The following ZFR2 variants were observed in gnomAD, a reference collection of about 807,000 sequenced individuals.
The protein encoded by ZFR2 is zinc finger RNA-binding protein 2.
ZFR2 carries 104 observed loss-of-function variants against 105.7 expected under a neutral mutation model. The observed-to-expected ratio is 0.98, with a 90% CI of 0.84 to 1.16. The LOEUF (loss-of-function observed/expected upper bound fraction) is 1.16, where lower values mean the gene tolerates loss of function less well. ZFR2 is among the 50% of genes most tolerant of loss of function. The pLI is 0.00. For missense variants in ZFR2, 1,425 were observed against 1,355.5 expected (o/e 1.05, Z -0.80); for synonymous variants, 634 against 597.7 (o/e 1.06, Z -0.89).
intron 3 of ZFR2, among the ~76,000 whole-genome samples, chr19:3,833,076 G>A (rs555335572): frequency 7.3e-5 from 11 of 151,528 alleles, no homozygotes; most frequent in South Asian, 4.2e-4. Context: ...GTGAAACCCC[G>A]TTTCTACTAA....
intron 1 of ZFR2, chr19:3,852,618 G>C (rs1300531049): frequency 2.8e-6 from 2 of 718,192 alleles, no homozygotes; most frequent in African/African-American, 3.5e-5. Context: ...TTCTGGACTG[G>C]AAGAGTAGCA....
intron 3 of ZFR2, among the ~76,000 whole-genome samples, chr19:3,833,376 A>G (rs1327657608): frequency 6.6e-6 from 1 of 151,926 alleles, no homozygotes; most frequent in Non-Finnish European, 1.5e-5. Flanking sequence ...GGAGATGGAG[A>G]CCATCCTGGC....
At chr19:3,806,871 G>A (rs1347234330) in intron 18 of ZFR2, among the ~76,000 whole-genome samples, 1 of 152,236 alleles carries the variant, frequency 6.6e-6, no homozygotes, top group East Asian at 1.9e-4. Context: ...TGTCGGCCAC[G>A]GCTGGGCTTC....
chr19:3,822,951 G>A (rs987797688), intron 8 of ZFR2, among the ~76,000 whole-genome samples: 1 of 152,238 alleles, frequency 6.6e-6, no homozygotes, highest in Non-Finnish European at 1.5e-5. Context: ...CTACTGCCCA[G>A]ATCCCTTCCA....
At position 3,822,104 on chromosome 19, in the gene ZFR2, G is replaced by T. The variant is rs1380050578; in HGVS notation, c.1468C>A (p.Arg490=). Residue 490 remains arginine, a synonymous_variant, in exon 9 of 19, where the codon CGG becomes AGG. Transcript: ENST00000262961. The stretch of plus-strand genomic sequence containing the variant: ...ACCCGGTACTGCAGCCGGTGCCGCC[G>T]CCCCCTCACGTGCAGGTCCTTCGCG... ...LNAKDLHVRG[R]RHRLQYRKKV... 2 of 1,607,718 alleles carry T rather than the reference G, an allele frequency of 1.2e-6. No homozygotes were observed. The highest frequency in any genetic ancestry group is 8.5e-7 in the Non-Finnish European group (1 of 1,177,644).
chr19:3,837,980 T>C (rs2038095055), intron 1 of ZFR2, among the ~76,000 whole-genome samples: 1 of 150,992 alleles, frequency 6.6e-6, no homozygotes, highest in Non-Finnish European at 1.5e-5. Context: ...ATGGACACCA[T>C]GACTGTAACA....
Position 3,825,332 on chromosome 19 carries a change from CG to C in ZFR2, c.1110del (p.Ala372GlnfsTer55), listed in dbSNP as rs747884511. 9 of 1,587,634 alleles carry C rather than the reference CG, an allele frequency of 5.7e-6. No individual in the cohort carries two copies. Among genetic ancestry groups the C allele is most frequent in the Admixed American group, 3.7e-5 (2 of 54,794 alleles). On this transcript the variant is annotated frameshift_variant, in exon 7 of 19. Coordinates refer to ENST00000262961, the MANE Select transcript of ZFR2 (RefSeq NM_015174.2). LOFTEE classifies it high-confidence loss of function. Reference protein sequence around the residue: ...LEPALATESPPGAEAKPTSPT... With the variant: ...LEPALATESPXGAEAKPTSPT... ...GGGGACGTGGGCTTGGCCTCTGCCC[CG>C]GGGGGGCTCTCTGTGGCCAGTGCAG...
chr19:3,864,012 G>T (rs2038402396), intron 1 of ZFR2, among the ~76,000 whole-genome samples: 1 of 152,144 alleles, frequency 6.6e-6, no homozygotes, highest in African/African-American at 2.4e-5. Flanking sequence ...ATCACTAACA[G>T]AGTGTGATGG....
chr19:3,821,307 C>A (rs570365050), intron 10 of ZFR2, 33 bp downstream of exon 10: 3 of 1,540,756 alleles, frequency 1.9e-6, no homozygotes, highest in African/African-American at 1.4e-5. Context: ...CCTCCCTCAC[C>A]AGGCCCCCTT....
Position 3,819,853 on chromosome 19 carries a change from A to AAAAG in ZFR2, c.1740+328_1740+329insCTTT, listed in dbSNP as rs1439060110. ...GGGCGACAGAGTGAGACTCTGTCTC[A>AAAAG]AAAAAAAATAGTTCCCATCGAACCT... On this transcript the variant is annotated intron_variant, in intron 11 of 18. Transcript: ENST00000262961. Among the ~76,000 whole-genome samples, 164 of 76,956 alleles carry AAAAG rather than the reference A, an allele frequency of 2.1e-3. 7 individuals are homozygous for AAAAG. Among genetic ancestry groups the AAAAG allele is most frequent in the Non-Finnish European group, 3.6e-3 (124 of 34,312 alleles). The allele number at this position is 76,956 out of a possible 152,430, so 50.5% of individuals were successfully genotyped here. A position where few individuals can be genotyped will look rare whatever the true frequency, so the allele number is the denominator to read the frequency against.
rs1355698449 is a variant in ZFR2 at position 3,820,212 on chromosome 19, C to T, written c.1710G>A (p.Arg570=). Residue 570 remains arginine (R), a synonymous_variant, in exon 11 of 19, where the codon AGG becomes AGA. Transcript: ENST00000262961. ...GTGGGGCGCTGGCGGGTGACTCCGG[C>T]CTGCCCATGAGCAGAGGCTGGGCCC... ...PDWAQPLLMG[R]PESPASAPLQ... 2 of 1,552,154 alleles carry T rather than the reference C, an allele frequency of 1.3e-6. No homozygotes were observed. Among genetic ancestry groups the T allele is most frequent in the South Asian group, 1.2e-5 (1 of 84,198 alleles).
In ZFR2 at chr19:3,819,093, AGT is replaced by A. The variant is rs748888871; in HGVS notation, c.1881_1882del (p.Leu628GlyfsTer13). ...TCGGCGGCCCCGGTCCTCCTCGGCC[AGT>A]GTGTCGGACACCAGCTTGAGGGCCC... On this transcript the variant is annotated frameshift_variant, in exon 12 of 19. Coordinates refer to ENST00000262961, the MANE Select transcript of ZFR2 (RefSeq NM_015174.2). LOFTEE classifies it high-confidence loss of function. 5 of 1,612,396 alleles carry A rather than the reference AGT, an allele frequency of 3.1e-6. No homozygotes were observed. The highest frequency in any genetic ancestry group is 3.3e-5 in the Admixed American group (2 of 59,974).
At chr19:3,809,174 G>A (rs1441482259) in intron 16 of ZFR2, among the ~76,000 whole-genome samples, 191 bp from the exon 17 acceptor site, 1 of 152,204 alleles carries the variant, frequency 6.6e-6, no homozygotes, top group Non-Finnish European at 1.5e-5. Flanking sequence ...GCCACAGGCT[G>A]GTTTCTTTCT....
chr19:3,825,026 G>C (rs2037933302), intron 7 of ZFR2, among the ~76,000 whole-genome samples: 1 of 152,170 alleles, frequency 6.6e-6, no homozygotes, highest in Non-Finnish European at 1.5e-5. Context: ...TGGTCTCAAA[G>C]GGTCTCCAAG....
At chr19:3,833,384 G>A (rs536180271) in intron 3 of ZFR2, among the ~76,000 whole-genome samples, 1 of 152,056 alleles carries the variant, frequency 6.6e-6, no homozygotes, top group Non-Finnish European at 1.5e-5. Context: ...AGACCATCCT[G>A]GCTAATACTG....
intron 1 of ZFR2, chr19:3,852,754 C>T (rs2038255038): frequency 9.7e-6 from 6 of 620,510 alleles, no homozygotes; most frequent in Non-Finnish European, 1.8e-5. Flanking sequence ...AAGAACACCC[C>T]ACAGCATGAC....
At chr19:3,852,367 C>A in intron 1 of ZFR2, 1 of 656,306 alleles carries the variant, frequency 1.5e-6, no homozygotes, top group South Asian at 1.8e-5. Context: ...CTGGGCTTCT[C>A]TGCCCCTGGA....
At chr19:3,852,466 G>A in intron 1 of ZFR2, 1 of 718,504 alleles carries the variant, frequency 1.4e-6, no homozygotes, top group Admixed American at 2.0e-5. Context: ...CACCAGGCAG[G>A]GTCCCATAAG....
chr19:3,828,486 G>C (rs186254253), intron 5 of ZFR2, among the ~76,000 whole-genome samples: 2 of 152,142 alleles, frequency 1.3e-5, no homozygotes, highest in African/African-American at 4.8e-5. Flanking sequence ...AGAATTCAAC[G>C]TCAGAAACCA....
Sources: gnomAD v4.1 joint callset for allele counts (sites outside exome capture counted in the v4.1 genomes callset) on GRCh38, gnomAD v4.1.1 for gene constraint, MANE v1.5 for transcripts, NCBI Gene and HGNC (gene_info 2026-07-23, HGNC 2026-07-21) for gene names.